The following SPECC1 variants were observed in gnomAD, a reference collection of about 807,000 sequenced individuals.
SPECC1 encodes sperm antigen with calponin homology and coiled-coil domains 1, also known as cytospin-B.
In SPECC1, 62 loss-of-function variants were observed where a neutral mutation model predicts 104.1. The observed-to-expected ratio is 0.60, with a 90% confidence interval of 0.49 to 0.74. The LOEUF is 0.74. SPECC1 is among the 30% of genes least tolerant of loss of function. SPECC1 has a pLI of 0.00. For missense variants in SPECC1, 1,306 were observed against 1,310.5 expected, an observed-to-expected ratio of 1.00 and a Z score of 0.05; for synonymous variants, 513 against 501.6, an observed-to-expected ratio of 1.02 and a Z score of -0.30.
chr17:20,113,564 T>C (rs569203889), intron 3 of SPECC1, among the ~76,000 whole-genome samples: 277 of 152,324 alleles, frequency 1.8e-3, no homozygotes, highest in Non-Finnish European at 3.4e-3. Context: ...TTTTATAATG[T>C]TTACTTTTTA....
Position 20,238,485 on chromosome 17 carries a change from C to T in SPECC1, c.2351+6080C>T, listed in dbSNP as rs192302725. On this transcript the variant is annotated intron_variant, in intron 7 of 14. Transcript: ENST00000395527. ...TAGTGACGTTATCCAAAGGATGAGA[C>T]AAGACAAAAGTTACTGTCTAATAAA... The T allele has an allele frequency of 1.1e-4, 117 of 1,042,468 alleles. No individual in the cohort carries two copies. In the African/African-American group the frequency reaches 1.9e-3, roughly 17 times the overall value. The allele number at this position is 1,042,468 out of a possible 1,614,324, so 64.6% of individuals were successfully genotyped here. A position where few individuals can be genotyped will look rare whatever the true frequency, so the allele number is the denominator to read the frequency against.
chr17:20,101,351 C>A (rs963665072), intron 2 of SPECC1, among the ~76,000 whole-genome samples: 1 of 152,198 alleles, frequency 6.6e-6, no homozygotes, highest in African/African-American at 2.4e-5. Context: ...TTTTAATGAT[C>A]GCCATTCTAA....
chr17:20,069,930 T>TAGC (rs2046487794), intron 1 of SPECC1, among the ~76,000 whole-genome samples: 1 of 152,186 alleles, frequency 6.6e-6, no homozygotes, highest in Non-Finnish European at 1.5e-5. Flanking sequence ...TGCAAGTATA[T>TAGC]AGCAATACAA....
intron 12 of SPECC1, among the ~76,000 whole-genome samples, chr17:20,271,779 TG>T (rs145077059): frequency 0.029 from 4,464 of 151,936 alleles, 80 homozygotes; most frequent in Non-Finnish European, 0.047. Flanking sequence ...TTTTTCCCTT[TG>T]TTTTTTTTTC....
At chr17:20,031,871 T>C (rs1398109644) in intron 1 of SPECC1, among the ~76,000 whole-genome samples, 1 of 152,228 alleles carries the variant, frequency 6.6e-6, no homozygotes, top group Non-Finnish European at 1.5e-5. Context: ...TTCCATTGTG[T>C]ATACATATAC....
chr17:20,018,394 T>G (rs969206205), intron 1 of SPECC1, among the ~76,000 whole-genome samples: 1 of 152,248 alleles, frequency 6.6e-6, no homozygotes, highest in Admixed American at 6.5e-5. Context: ...AGTATGTGTT[T>G]AGTTTATTGT....
chr17:20,205,461 CA>C lies in SPECC1; in HGVS notation c.1413del (p.Gly472ValfsTer20). 6.2e-7 allele frequency: 1 copy of C among 1,614,072 alleles called. No individual in the cohort carries two copies. The highest frequency in any genetic ancestry group is 8.5e-7 in the Non-Finnish European group (1 of 1,180,030). On this transcript the variant is annotated frameshift_variant, in exon 4 of 15. Coordinates refer to ENST00000395527, the MANE Select transcript of SPECC1 (RefSeq NM_001243439.2). LOFTEE classifies it high-confidence loss of function. ...GKIIELEQKC[T>X]GILEQGRFER... is the part of the protein sequence containing the mutation. ...ATTATTGAACTGGAGCAGAAGTGCACAGGTATTCTTGAACAGGGCCGCTTTG... is the reference window on the plus strand; with the variant it reads ...ATTATTGAACTGGAGCAGAAGTGCACGGTATTCTTGAACAGGGCCGCTTTG...
rs2038597550 is a variant in SPECC1, at chr17:20,231,821, A to G, written c.2135A>G (p.Lys712Arg). 2 of 1,614,098 alleles carry G rather than the reference A, an allele frequency of 1.2e-6. No individual in the cohort carries two copies. The highest frequency in any genetic ancestry group is 1.7e-4 in the Middle Eastern group (1 of 6,060). Residue 712 changes from lysine (K) to arginine (R), a missense_variant, in exon 6 of 15, where the codon AAG becomes AGG. By Grantham distance (26) the Lys-to-Arg change is conservative (BLOSUM62 2). Coordinates refer to ENST00000395527, the MANE Select transcript of SPECC1 (RefSeq NM_001243439.2). ...GAGAGGCAGCTGAAGACTCTGACCA[A>G]GCAGATGAAGGTGAGATGCGGGTGG... ...DLERQLKTLT[K>R]QMKEETEEWR...
chr17:20,201,230 C>T (rs985337997), intron 3 of SPECC1, among the ~76,000 whole-genome samples: 3 of 151,182 alleles, frequency 2.0e-5, no homozygotes, highest in Non-Finnish European at 4.4e-5. Flanking sequence ...GAGGCCAAGG[C>T]GGGGAGATCA....
At chr17:20,051,084 C>T (rs1303770138) in intron 1 of SPECC1, among the ~76,000 whole-genome samples, 1 of 75,472 alleles carries the variant, frequency 1.3e-5, no homozygotes. Context: ...TTCTTTCTTT[C>T]TTTCTTTCTT....
At chr17:20,149,708 T>C (rs1239599476) in intron 3 of SPECC1, among the ~76,000 whole-genome samples, 1 of 152,188 alleles carries the variant, frequency 6.6e-6, no homozygotes, top group Non-Finnish European at 1.5e-5. Flanking sequence ...TGTGAGTCCT[T>C]TCAGAGAATC....
chr17:20,053,638 G>A (rs2045856316), intron 1 of SPECC1, among the ~76,000 whole-genome samples: 1 of 152,188 alleles, frequency 6.6e-6, no homozygotes, highest in Admixed American at 6.5e-5. Context: ...CAATGCTATA[G>A]AGAGGCTCAC....
chr17:20,103,928 G>A (rs2048062072), intron 2 of SPECC1, among the ~76,000 whole-genome samples: 1 of 152,126 alleles, frequency 6.6e-6, no homozygotes, highest in Admixed American at 6.5e-5. Context: ...GAGAGGAGAA[G>A]GGGGACGAGA....
At position 20,210,060 on chromosome 17, in the gene SPECC1, G is replaced by T. The variant is rs533680035; in HGVS notation, c.1863+4148G>T. 2.6e-5 allele frequency among the ~76,000 whole-genome samples: 4 copies of T among 152,244 alleles called. No individual in the cohort carries two copies. In the South Asian group the frequency reaches 6.2e-4, roughly 24 times the overall value. ...GCAGAGGTGAAATGACTAGTGTTCT[G>T]CTTGTGTGGGTCCTAGAGCCAAACT... is the stretch of plus-strand genomic sequence containing the variant. On this transcript the variant is annotated intron_variant, in intron 4 of 14. Coordinates refer to ENST00000395527, the MANE Select transcript of SPECC1 (RefSeq NM_001243439.2).
At chr17:20,159,483 G>C (rs1410823614) in intron 3 of SPECC1, among the ~76,000 whole-genome samples, 1 of 152,232 alleles carries the variant, frequency 6.6e-6, no homozygotes, top group Non-Finnish European at 1.5e-5. Context: ...CCCCATCTGA[G>C]ACCCGCTGTA....
intron 4 of SPECC1, among the ~76,000 whole-genome samples, chr17:20,206,994 G>A (rs2036827583): frequency 1.3e-5 from 2 of 152,064 alleles, no homozygotes; most frequent in African/African-American, 4.8e-5. Context: ...TTTTGTTTTT[G>A]ATGCAAGAAT....
chr17:20,016,672 C>T (rs762450946), intron 1 of SPECC1, among the ~76,000 whole-genome samples: 4 of 152,358 alleles, frequency 2.6e-5, no homozygotes, highest in East Asian at 1.9e-4. Context: ...TGCGGGGCAG[C>T]GCTCATGACC....
intron 4 of SPECC1, among the ~76,000 whole-genome samples, chr17:20,224,766 T>C (rs2038103380): frequency 2.0e-5 from 3 of 152,156 alleles, no homozygotes; most frequent in Admixed American, 2.0e-4. Flanking sequence ...TGGGGGACTT[T>C]AGGAGCCTGC....
Position 20,318,890 on chromosome 17 carries a change from G to T in SPECC1, c.*4825G>T, listed in dbSNP as rs192940111. 2 of 193,586 alleles carry T rather than the reference G, an allele frequency of 1.0e-5. No homozygotes were observed. Among genetic ancestry groups the T allele is most frequent in the Admixed American group, 1.2e-4 (2 of 16,108 alleles). The allele number at this position is 193,586 out of a possible 1,614,324, so 12.0% of individuals were successfully genotyped here. On this transcript the variant is annotated 3_prime_UTR_variant, in exon 15 of 15. Transcript: ENST00000395527. Reference sequence around the variant, plus strand: ...GTGTAGTTGATACATCTGTGGCCTCGTGTCTATAAAGAGCACACTAGATTG... The same window carrying T: ...GTGTAGTTGATACATCTGTGGCCTCTTGTCTATAAAGAGCACACTAGATTG...
Sources: gnomAD v4.1 joint callset for allele counts (sites outside exome capture counted in the v4.1 genomes callset) on GRCh38, gnomAD v4.1.1 for gene constraint, MANE v1.5 for transcripts, NCBI Gene and HGNC (gene_info 2026-07-23, HGNC 2026-07-21) for gene names.